Variants in USP6 observed in about 807,000 individuals in gnomAD.
USP6 encodes ubiquitin carboxyl-terminal hydrolase 6.
Under a neutral mutation model 175.7 loss-of-function variants are expected in USP6, and 128 were observed. The observed-to-expected ratio is 0.73, with a 90% CI of 0.63 to 0.84. USP6 has a LOEUF of 0.84. USP6 is among the 40% of genes least tolerant of loss of function. USP6 has a pLI of 0.00. For synonymous variants in USP6, 562 were observed against 630.6 expected (o/e 0.89, Z 1.63); for missense variants, 1,498 against 1,760.3 (o/e 0.85, Z 2.67).
At chr17:5,170,351 C>T (rs574475683) in intron 35 of USP6, 128 bp from the exon 36 acceptor site, 1 of 1,375,894 alleles carries the variant, frequency 7.3e-7, no homozygotes, top group Non-Finnish European at 9.8e-7. Context: ...CAAAGGGTAG[C>T]CAGTCATGAC....
At chr17:5,164,381 G>A (rs967418394) in intron 33 of USP6, among the ~76,000 whole-genome samples, 2 of 152,148 alleles carry the variant, frequency 1.3e-5, no homozygotes, top group Non-Finnish European at 2.9e-5. Context: ...GCTAAAGAAA[G>A]CTGAAGAGAA....
intron 2 of USP6, among the ~76,000 whole-genome samples, chr17:5,119,755 C>A (rs2072609652): frequency 1.3e-5 from 2 of 152,218 alleles, no homozygotes; most frequent in African/African-American, 4.8e-5. Flanking sequence ...AAACAAGGAA[C>A]TTCTGCCCAG....
intron 6 of USP6, among the ~76,000 whole-genome samples, chr17:5,127,189 G>C (rs959953605): frequency 2.0e-5 from 3 of 150,924 alleles, no homozygotes; most frequent in African/African-American, 7.3e-5. Context: ...GGCTCCAGAA[G>C]TCTCCCAGGA....
intron 28 of USP6, among the ~76,000 whole-genome samples, chr17:5,146,816 C>T (rs1301311183): frequency 3.3e-5 from 5 of 152,242 alleles, no homozygotes; most frequent in Admixed American, 1.3e-4. Flanking sequence ...GAATTTAGAT[C>T]CCTGAGACAA....
At chr17:5,147,695 C>T (rs1338117010) in intron 29 of USP6, among the ~76,000 whole-genome samples, 15 of 152,144 alleles carry the variant, frequency 9.9e-5, no homozygotes, top group South Asian at 4.1e-4. Context: ...ATAGTCCTGA[C>T]GGTGAGTTGG....
At chr17:5,131,670 C>T (rs1355963516) in intron 11 of USP6, among the ~76,000 whole-genome samples, 1 of 146,092 alleles carries the variant, frequency 6.8e-6, no homozygotes, top group Non-Finnish European at 1.5e-5. Flanking sequence ...ACGGTGAGGC[C>T]AGGGAGGCAG....
rs1161251617 is a variant in USP6, at chr17:5,132,257, C to T, written c.156-139C>T. 3.1e-6 allele frequency: 5 copies of T among 1,602,200 alleles called. No individual in the cohort carries two copies. Among genetic ancestry groups the T allele is most frequent in the Non-Finnish European group, 4.3e-6 (5 of 1,173,520 alleles). The stretch of plus-strand genomic sequence containing the variant: ...TCAGAGCCACAGGAAGGCCCTTGTC[C>T]TCCCTTCCCTGTGCCTTCTCCCGGG... On this transcript the variant is annotated intron_variant, in intron 11 of 37. Transcript: ENST00000574788. The surrounding 1 kb of genome is among the most constrained non-coding windows in gnomAD (Gnocchi z 4.7).
At chr17:5,172,576 T>A (rs548612356) in intron 37 of USP6, among the ~76,000 whole-genome samples, 2 of 152,132 alleles carry the variant, frequency 1.3e-5, no homozygotes, top group Admixed American at 6.5e-5. Flanking sequence ...TTGATGGGGT[T>A]TTAGGTCATT....
At chr17:5,144,180 G>A (rs925432339) in intron 25 of USP6, among the ~76,000 whole-genome samples, 2 of 151,894 alleles carry the variant, frequency 1.3e-5, no homozygotes, top group African/African-American at 4.8e-5. Flanking sequence ...AAGTTAGGAT[G>A]CAACAAGACC....
chr17:5,136,072 C>T, intron 17 of USP6, 144 bp downstream of exon 17: 1 of 1,480,088 alleles, frequency 6.8e-7, no homozygotes, highest in African/African-American at 1.4e-5. Flanking sequence ...CTGAGGGTCC[C>T]ACAGGAGTCC....
At chr17:5,172,707 G>T (rs1036106434) in intron 37 of USP6, 98 bp from the exon 38 acceptor site, 34 of 1,522,638 alleles carry the variant, frequency 2.2e-5, no homozygotes, top group Non-Finnish European at 2.9e-5. Flanking sequence ...GAAGCAATCA[G>T]GTTAGTAATT....
rs763510935 is a variant in USP6, at chr17:5,138,204, A to G, written c.1009A>G (p.Thr337Ala). The stretch of plus-strand genomic sequence containing the variant: ...CGATACCTGGGCCATGAACGATGAC[A>G]CCGTGCTCAAGCATCTTAGGGCCTC... The part of the protein sequence containing the change: ...FFDTWAMNDD[T>A]VLKHLRASTK... Residue 337 changes from threonine to alanine, a missense_variant, in exon 21 of 38, where the codon ACC becomes GCC. This residue lies in a region of USP6 where 1,217 missense variants were observed against 1,500.8 expected (regional missense o/e 0.81). Transcript: ENST00000574788. The G allele has an allele frequency of 6.2e-7, 1 of 1,613,890 alleles. No homozygotes were observed.
intron 30 of USP6, among the ~76,000 whole-genome samples, chr17:5,154,697 A>C (rs1311171991): frequency 8.0e-6 from 1 of 125,742 alleles, no homozygotes; most frequent in East Asian, 2.3e-4. Context: ...CTAGAAAACT[A>C]TAGTTGAGAT....
chr17:5,142,065 A>G lies in USP6; in HGVS notation c.1636A>G (p.Ser546Gly), dbSNP rs777123956. 2 of 1,613,944 alleles carry G rather than the reference A, an allele frequency of 1.2e-6. No homozygotes were observed. The highest frequency in any genetic ancestry group is 1.7e-6 in the Non-Finnish European group (2 of 1,179,860). The part of the protein sequence containing the change: ...NLGNTCFMNS[S>G]IQCVSNTQPL... ...GGGAAACACATGCTTCATGAACTCA[A>G]GCATCCAGTGCGTTAGTAACACACA... The change falls in exon 24 of 38, where the codon AGC (serine) becomes GGC (glycine). Residue 546 changes from serine (S) to glycine (G), a missense_variant. Physicochemically the swap from Ser to Gly is moderately conservative, Grantham distance 56. This residue lies in a region of USP6 where 1,217 missense variants were observed against 1,500.8 expected (regional missense o/e 0.81). Transcript: ENST00000574788.
chr17:5,120,511 G>A, intron 2 of USP6, 116 bp from the exon 3 acceptor site: 2 of 304,598 alleles, frequency 6.6e-6, no homozygotes, highest in Non-Finnish European at 1.3e-5. Flanking sequence ...GCCTATCTGT[G>A]TCTGTCTGTC....
chr17:5,144,671 A>C lies in USP6; in HGVS notation c.1819-19A>C. On this transcript the variant is annotated intron_variant, in intron 25 of 37. Coordinates refer to ENST00000574788, the MANE Select transcript of USP6 (RefSeq NM_001304284.2). Reference sequence around the variant, plus strand: ...TTATGGGTAGGAAATAATGACTGTGACTTCTCTTATATTTATAGCGGACCA... The same window carrying C: ...TTATGGGTAGGAAATAATGACTGTGCCTTCTCTTATATTTATAGCGGACCA... The C allele has an allele frequency of 1.2e-6, 2 of 1,610,450 alleles. No homozygotes were observed. Among genetic ancestry groups the C allele is most frequent in the Non-Finnish European group, 1.7e-6 (2 of 1,178,998 alleles).
At position 5,138,176 on chromosome 17, in the gene USP6, C is replaced by G; in HGVS notation, c.981C>G (p.Phe327Leu). Residue 327 changes from phenylalanine to leucine, a missense_variant, in exon 21 of 38, where the codon TTC (phenylalanine) becomes TTG (leucine). Coordinates refer to ENST00000574788, the MANE Select transcript of USP6 (RefSeq NM_001304284.2). ...CGLWARLRNQ[F>L]FDTWAMNDDT... ...TGTGGGCACGTCTGCGGAACCAATT[C>G]TTCGATACCTGGGCCATGAACGATG... is the stretch of plus-strand genomic sequence containing the variant. 6.2e-7 allele frequency: 1 copy of G among 1,614,102 alleles called. No individual in the cohort carries two copies. Among genetic ancestry groups the G allele is most frequent in the Non-Finnish European group, 8.5e-7 (1 of 1,180,002 alleles).
At chr17:5,170,446 A>C (rs773377479) in intron 35 of USP6, 33 bp from the exon 36 acceptor site, 2 of 1,549,346 alleles carry the variant, frequency 1.3e-6, no homozygotes, top group Admixed American at 1.9e-5. Context: ...TGGCATTTGG[A>C]TTTGTGAATC....
At chr17:5,119,930 C>T (rs2072614618) in intron 2 of USP6, among the ~76,000 whole-genome samples, 2 of 152,042 alleles carry the variant, frequency 1.3e-5, no homozygotes, top group African/African-American at 4.8e-5. Context: ...TTGTATCCAC[C>T]CCACCTCTCT....
Sources: gnomAD v4.1 joint callset for allele counts (sites outside exome capture counted in the v4.1 genomes callset) on GRCh38, gnomAD v4.1.1 for gene constraint, gnomAD v4.1.1 regional missense constraint, Gnocchi (gnomAD v3.1) non-coding constraint, MANE v1.5 for transcripts, NCBI Gene and HGNC (gene_info 2026-07-23, HGNC 2026-07-21) for gene names.